The following RGS7 variants were observed in gnomAD, a reference collection of about 807,000 sequenced individuals.
The protein encoded by RGS7 is regulator of G-protein signaling 7.
A neutral mutation model predicts 81.1 loss-of-function variants in RGS7; 27 were observed. The observed-to-expected ratio is 0.33, with a 90% CI of 0.25 to 0.46. RGS7 has a LOEUF of 0.46. Among genes scored for constraint, RGS7 ranks in the 20% least tolerant of loss-of-function variants. The pLI is 1.00. For missense variants in RGS7, 396 were observed against 607.4 expected (o/e 0.65, Z 3.66); for synonymous variants, 208 against 207.7 (o/e 1.00, Z -0.01).
intron 2 of RGS7, among the ~76,000 whole-genome samples, chr1:241,323,073 C>A (rs1387296517): frequency 1.3e-5 from 2 of 152,152 alleles, no homozygotes; most frequent in East Asian, 3.9e-4. Context: ...AGATTTTCAC[C>A]ATTTAGTTTC....
intron 9 of RGS7, among the ~76,000 whole-genome samples, chr1:240,864,329 C>T (rs1049133738): frequency 3.9e-5 from 6 of 152,146 alleles, no homozygotes; most frequent in Non-Finnish European, 7.3e-5. Flanking sequence ...CCCTGTTTCA[C>T]GAGTTTCAGA....
intron 2 of RGS7, among the ~76,000 whole-genome samples, chr1:241,332,486 T>C (rs1336857142): frequency 6.6e-6 from 1 of 152,180 alleles, no homozygotes; most frequent in Non-Finnish European, 1.5e-5. Flanking sequence ...GACTTCCTCC[T>C]GAAGATGTGG....
chr1:241,141,493 T>G (rs1274991234), intron 2 of RGS7, among the ~76,000 whole-genome samples: 2 of 152,168 alleles, frequency 1.3e-5, no homozygotes. Flanking sequence ...TCTGCATTGC[T>G]TGGGAGGCCT....
intron 2 of RGS7, among the ~76,000 whole-genome samples, chr1:241,150,432 A>G (rs1260598296): frequency 6.6e-6 from 1 of 152,184 alleles, no homozygotes; most frequent in Admixed American, 6.5e-5. Context: ...CAGAAAAAAA[A>G]ACTTTATGAC....
chr1:241,300,536 T>C (rs887249304), intron 2 of RGS7, among the ~76,000 whole-genome samples: 2 of 152,236 alleles, frequency 1.3e-5, no homozygotes, highest in African/African-American at 4.8e-5. Flanking sequence ...ACTTTTCAGA[T>C]AGACTTCTTT....
At chr1:240,851,071 G>A (rs2125656) in intron 9 of RGS7, among the ~76,000 whole-genome samples, 1,912 of 152,218 alleles carry the variant, frequency 0.013, 44 homozygotes, top group African/African-American at 0.044. Context: ...GTTGATTTTC[G>A]ATGTAGACAA....
intron 2 of RGS7, among the ~76,000 whole-genome samples, chr1:241,138,623 C>A (rs987417716): frequency 3.9e-5 from 6 of 152,182 alleles, no homozygotes; most frequent in East Asian, 1.9e-4. Context: ...AAGGTGATTG[C>A]GTAGCCGGTG....
chr1:240,784,189 A>G (rs1364353614), intron 18 of RGS7, among the ~76,000 whole-genome samples: 5 of 105,850 alleles, frequency 4.7e-5, no homozygotes, highest in Admixed American at 8.1e-5. Context: ...CTCTGTCTCG[A>G]AAAAAAAACA....
chr1:240,897,948 C>T (rs2148181353), intron 6 of RGS7, among the ~76,000 whole-genome samples: 1 of 152,264 alleles, frequency 6.6e-6, no homozygotes, highest in African/African-American at 2.4e-5. Context: ...TAATTATTGC[C>T]TCAATTTCAA....
chr1:240,788,620 G>A (rs145133930), intron 18 of RGS7, among the ~76,000 whole-genome samples: 191 of 152,348 alleles, frequency 1.3e-3, no homozygotes, highest in African/African-American at 4.4e-3. Flanking sequence ...ATTCTGATGC[G>A]TCTCAAGTGA....
rs540204203 is a variant in RGS7 at position 241,155,469 on chromosome 1, C to G, written c.79-56707G>C. The stretch of plus-strand genomic sequence containing the variant: ...GTATAGTAGAAGGAAAAAAGAGATA[C>G]GACACCTTTTATCTTTTTTAGGGAT... On this transcript the variant is annotated intron_variant, in intron 2 of 18. Coordinates refer to ENST00000440928, the MANE Select transcript of RGS7 (RefSeq NM_001364886.1). Among the ~76,000 whole-genome samples, 4 of 150,540 alleles carry G rather than the reference C, an allele frequency of 2.7e-5. No individual in the cohort carries two copies. The South Asian group carries it at 8.4e-4, about 31-fold the overall frequency.
At chr1:240,950,890 A>G (rs1327951575) in intron 4 of RGS7, among the ~76,000 whole-genome samples, 1 of 152,126 alleles carries the variant, frequency 6.6e-6, no homozygotes, top group Non-Finnish European at 1.5e-5. Flanking sequence ...CCCATTACCT[A>G]ATACAAGATG....
chr1:240,823,416 G>GCCGCT, intron 10 of RGS7: 1 of 395,438 alleles, frequency 2.5e-6, no homozygotes, highest in East Asian at 6.4e-5. Context: ...CCCGGCAGAG[G>GCCGCT]CAGGGCAGAT....
chr1:240,944,269 TGTG>T (rs1678117457), intron 4 of RGS7, among the ~76,000 whole-genome samples: 1 of 10,532 alleles, frequency 9.5e-5, no homozygotes, highest in African/African-American at 2.4e-4. Flanking sequence ...TATGTGTGTG[TGTG>T]TGTGTGTGTG....
At chr1:241,022,968 A>G (rs2059611960) in intron 3 of RGS7, among the ~76,000 whole-genome samples, 1 of 152,110 alleles carries the variant, frequency 6.6e-6, no homozygotes, top group South Asian at 2.1e-4. Context: ...ATAACTAATA[A>G]CAACTATTGT....
At chr1:241,003,428 T>A (rs1264368928) in intron 3 of RGS7, among the ~76,000 whole-genome samples, 1 of 131,554 alleles carries the variant, frequency 7.6e-6, no homozygotes, top group Non-Finnish European at 1.5e-5. Flanking sequence ...GCCACTGCAC[T>A]CCAGCCTGGG....
chr1:241,192,741 G>A (rs758546441), intron 2 of RGS7, among the ~76,000 whole-genome samples: 1 of 152,116 alleles, frequency 6.6e-6, no homozygotes, highest in African/African-American at 2.4e-5. Context: ...AAAATCAGGA[G>A]GACTTTCTCT....
In RGS7 at chr1:241,066,153, A is replaced by C. The variant is rs556595969; in HGVS notation, c.175+32513T>G. Reference sequence around the variant, plus strand: ...GAAAACTCAACTACCAACATTATGGAATTTTGATTTGATATCACTCCTAAC... The same window carrying C: ...GAAAACTCAACTACCAACATTATGGCATTTTGATTTGATATCACTCCTAAC... On this transcript the variant is annotated intron_variant, in intron 3 of 18. Coordinates refer to ENST00000440928, the MANE Select transcript of RGS7 (RefSeq NM_001364886.1). Among the ~76,000 whole-genome samples the C allele has an allele frequency of 6.6e-5, 10 of 152,316 alleles. No individual in the cohort carries two copies. In the South Asian group the frequency reaches 1.9e-3, roughly 28 times the overall value.
intron 6 of RGS7, among the ~76,000 whole-genome samples, chr1:240,901,725 C>T (rs1377637836): frequency 6.6e-6 from 1 of 152,158 alleles, no homozygotes; most frequent in African/African-American, 2.4e-5. Flanking sequence ...AGTCACTACT[C>T]CTCACTACGT....
Sources: gnomAD v4.1 joint callset for allele counts (sites outside exome capture counted in the v4.1 genomes callset) on GRCh38, gnomAD v4.1.1 for gene constraint, MANE v1.5 for transcripts, NCBI Gene and HGNC (gene_info 2026-07-23, HGNC 2026-07-21) for gene names.